Variants in GCNT2 observed in about 807,000 individuals in gnomAD.
GCNT2 encodes glucosaminyl (N-acetyl) transferase 2 (I blood group), also known as N-acetyllactosaminide beta-1,6-N-acetylglucosaminyl-transferase.
Under a neutral mutation model 34.2 loss-of-function variants are expected in GCNT2, and 34 were observed. The ratio of observed to expected loss-of-function variants is 1.00; its 90% CI spans 0.76 to 1.32. The LOEUF (loss-of-function observed/expected upper bound fraction) is 1.32, where lower values mean the gene tolerates loss of function less well. Among genes scored for constraint, GCNT2 ranks in the 40% most tolerant of loss-of-function variants. The pLI is 0.00. For synonymous variants in GCNT2, 212 were observed against 188.0 expected, an observed-to-expected ratio of 1.13 and a Z score of -1.04; for missense variants, 584 against 489.4, an observed-to-expected ratio of 1.19 and a Z score of -1.82.
At chr6:10,557,729 T>C (rs1455297191) in intron 3 of GCNT2, among the ~76,000 whole-genome samples, 1 of 152,166 alleles carries the variant, frequency 6.6e-6, no homozygotes, top group Non-Finnish European at 1.5e-5. Flanking sequence ...CAGCTCAAGC[T>C]ATCCTCCCCA....
intron 3 of GCNT2, chr6:10,586,852 A>G (rs765457308): frequency 3.7e-6 from 6 of 1,613,926 alleles, no homozygotes; most frequent in Non-Finnish European, 5.1e-6. Context: ...GATCTACTAC[A>G]ATGGTCAAAA....
rs563606295 is a variant in GCNT2, at chr6:10,567,622, T to G, written c.925+37786T>G. ...ATGTATAGCTACTGTACATATTTCT[T>G]GGATGTATTGAACAGCTAATAATTG... On this transcript the variant is annotated intron_variant, in intron 3 of 4. Coordinates refer to ENST00000495262, the MANE Select transcript of GCNT2 (RefSeq NM_145649.5). 5.9e-5 allele frequency among the ~76,000 whole-genome samples: 9 copies of G among 152,358 alleles called. No individual in the cohort carries two copies. In the South Asian group the frequency reaches 1.7e-3, roughly 28 times the overall value.
intron 3 of GCNT2, chr6:10,557,278 C>A (rs1396026602): frequency 6.2e-7 from 1 of 1,613,076 alleles, no homozygotes; most frequent in Non-Finnish European, 8.5e-7. Flanking sequence ...TTGATTTGCT[C>A]CAGTGGTCCA....
At chr6:10,622,175 A>G (rs1766063647) in intron 4 of GCNT2, among the ~76,000 whole-genome samples, 1 of 152,202 alleles carries the variant, frequency 6.6e-6, no homozygotes, top group African/African-American at 2.4e-5. Context: ...TTCCATTTCT[A>G]TAGAATTTTG....
chr6:10,583,960 G>C (rs517959), intron 3 of GCNT2, among the ~76,000 whole-genome samples: 9,830 of 152,142 alleles, frequency 0.065, 1,091 homozygotes, highest in African/African-American at 0.22. Context: ...CTCCACTCCT[G>C]TGGGTATTTC....
At chr6:10,531,089 T>G (rs527796283) in intron 3 of GCNT2, among the ~76,000 whole-genome samples, 1 of 151,598 alleles carries the variant, frequency 6.6e-6, no homozygotes, top group East Asian at 1.9e-4. Flanking sequence ...ATTTTATAGA[T>G]GAAGAAACTT....
rs1462823702 is a variant in GCNT2 at position 10,629,076 on chromosome 6, A to G, written c.*2469A>G. On this transcript the variant is annotated 3_prime_UTR_variant, in exon 5 of 5. Transcript: ENST00000495262. ...GCACTCAGGGTCAGCAGTGGAGTTT[A>G]AAAATTGTCTCTTTTCAACTTATTT... 6.6e-6 allele frequency: 1 copy of G among 152,646 alleles called. No homozygotes were observed. Among genetic ancestry groups the G allele is most frequent in the Non-Finnish European group, 1.5e-5 (1 of 68,034 alleles). The allele number at this position is 152,646 out of a possible 1,614,324, so 9.5% of individuals were successfully genotyped here. A position where few individuals can be genotyped will look rare whatever the true frequency, so the allele number is the denominator to read the frequency against.
At chr6:10,539,888 G>C (rs1358060086) in intron 3 of GCNT2, among the ~76,000 whole-genome samples, 2 of 152,184 alleles carry the variant, frequency 1.3e-5, no homozygotes, top group Non-Finnish European at 2.9e-5. Context: ...GACCAGCCTA[G>C]GCAACATAGT....
intron 3 of GCNT2, among the ~76,000 whole-genome samples, chr6:10,596,168 G>C (rs1419920478): frequency 1.3e-5 from 2 of 152,104 alleles, no homozygotes; most frequent in Non-Finnish European, 2.9e-5. Flanking sequence ...CAGCAACAAA[G>C]CTGAATCTAC....
chr6:10,617,795 C>A (rs1229037943), intron 3 of GCNT2, among the ~76,000 whole-genome samples: 2 of 139,554 alleles, frequency 1.4e-5, no homozygotes, highest in African/African-American at 2.9e-5. Flanking sequence ...CACTCTGTTG[C>A]CCAGGCTGGA....
At chr6:10,556,346 A>C (rs1762700456) in intron 3 of GCNT2, 1 of 1,603,550 alleles carries the variant, frequency 6.2e-7, no homozygotes, top group African/African-American at 1.3e-5. Flanking sequence ...CAAAATAAGA[A>C]CTCAGAGAAA....
intron 3 of GCNT2, among the ~76,000 whole-genome samples, chr6:10,602,624 C>T (rs948392442): frequency 2.0e-5 from 3 of 151,834 alleles, no homozygotes; most frequent in African/African-American, 7.3e-5. Flanking sequence ...CAACTTTTGA[C>T]CTGTCTCGGT....
At chr6:10,555,995 A>G (rs1762681500) in intron 3 of GCNT2, 4 of 1,097,156 alleles carry the variant, frequency 3.6e-6, no homozygotes, top group African/African-American at 3.4e-5. Context: ...CATCACTTCA[A>G]CTCTGGCTTT....
At position 10,627,074 on chromosome 6, in the gene GCNT2, T is replaced by C. The variant is rs762078028; in HGVS notation, c.*467T>C. 35 of 164,852 alleles carry C rather than the reference T, an allele frequency of 2.1e-4. No individual in the cohort carries two copies. Among genetic ancestry groups the C allele is most frequent in the Admixed American group, 8.5e-4 (15 of 17,624 alleles). 10.2% of individuals were successfully genotyped at this position (164,852 alleles called of 1,614,324 possible). On this transcript the variant is annotated 3_prime_UTR_variant, in exon 5 of 5. Coordinates refer to ENST00000495262, the MANE Select transcript of GCNT2 (RefSeq NM_145649.5). ...GATAGTGAAACAGCTTTCTGGGTAA[T>C]TCACCAATTTCCTTTAAAACATAAG...
chr6:10,524,290 G>T (rs1473961329), intron 1 of GCNT2, among the ~76,000 whole-genome samples: 1 of 141,482 alleles, frequency 7.1e-6, no homozygotes, highest in Non-Finnish European at 1.5e-5. Context: ...CGCTCTTGTT[G>T]CCTGGGCTGG....
At chr6:10,563,209 T>C (rs1055456279) in intron 3 of GCNT2, among the ~76,000 whole-genome samples, 7 of 152,106 alleles carry the variant, frequency 4.6e-5, no homozygotes, top group African/African-American at 1.7e-4. Context: ...GGGCAAGATT[T>C]AGTTTTATAC....
chr6:10,540,126 TGGAAGGAA>T (rs201188967), intron 3 of GCNT2, among the ~76,000 whole-genome samples: 27 of 149,800 alleles, frequency 1.8e-4, no homozygotes, highest in Non-Finnish European at 2.7e-4. Context: ...AAGTAAAGGA[TGGAAGGAA>T]GGAAGGAAGA....
At chr6:10,608,073 C>CTTTTTT (rs576372819) in intron 3 of GCNT2, among the ~76,000 whole-genome samples, 6 of 124,762 alleles carry the variant, frequency 4.8e-5, no homozygotes, top group African/African-American at 9.5e-5. Context: ...ATGGTATGCA[C>CTTTTTT]TTTTTTTTTT....
chr6:10,621,857 C>T (rs1766051472), intron 4 of GCNT2, among the ~76,000 whole-genome samples: 1 of 152,132 alleles, frequency 6.6e-6, no homozygotes, highest in Non-Finnish European at 1.5e-5. Context: ...AGGCGTGCAC[C>T]ACCACACCTG....
Sources: gnomAD v4.1 joint callset for allele counts (sites outside exome capture counted in the v4.1 genomes callset) on GRCh38, gnomAD v4.1.1 for gene constraint, MANE v1.5 for transcripts, NCBI Gene and HGNC (gene_info 2026-07-23, HGNC 2026-07-21) for gene names.